Variants in CTSS observed in about 807,000 individuals in gnomAD.
The protein encoded by CTSS is cathepsin S.
In CTSS, 15 loss-of-function variants were observed where a neutral mutation model predicts 39.9. That is an observed-to-expected ratio of 0.38 (90% CI 0.25 to 0.58). CTSS has a LOEUF of 0.58. Among genes scored for constraint, CTSS ranks in the 20% least tolerant of loss-of-function variants. CTSS has a pLI of 0.70. For missense variants in CTSS, 250 were observed against 398.2 expected (o/e 0.63, Z 3.17); for synonymous variants, 126 against 138.2 (o/e 0.91, Z 0.62).
At chr1:150,748,324 A>T (rs751492039) in intron 6 of CTSS, 1 of 152,698 alleles carries the variant, frequency 6.5e-6, no homozygotes, top group East Asian at 1.9e-4. Context: ...ATATACTGTC[A>T]TGCATAAACT....
chr1:150,749,956 T>C, intron 6 of CTSS, 50 bp downstream of exon 6: 1 of 1,502,356 alleles, frequency 6.7e-7, no homozygotes, highest in South Asian at 1.2e-5. Context: ...TCAGCCAATA[T>C]CCTTTCTTTC....
At chr1:150,755,718 C>T (rs1307196883) in intron 3 of CTSS, among the ~76,000 whole-genome samples, 3 of 149,410 alleles carry the variant, frequency 2.0e-5, no homozygotes, top group Non-Finnish European at 4.4e-5. Context: ...CCAGCCTGGG[C>T]GACAGAGTGA....
intron 2 of CTSS, among the ~76,000 whole-genome samples, chr1:150,759,596 C>T (rs771793727): frequency 5.3e-5 from 8 of 152,176 alleles, no homozygotes; most frequent in East Asian, 1.9e-4. Flanking sequence ...CATTAGTGTG[C>T]ATATTATTCC....
At chr1:150,755,429 G>A (rs1336573519) in intron 3 of CTSS, among the ~76,000 whole-genome samples, 1 of 152,044 alleles carries the variant, frequency 6.6e-6, no homozygotes, top group Non-Finnish European at 1.5e-5. Flanking sequence ...AAGGTAGAGT[G>A]AAAATACAGT....
chr1:150,742,073 A>T (rs1039271940), intron 7 of CTSS, among the ~76,000 whole-genome samples: 1 of 152,038 alleles, frequency 6.6e-6, no homozygotes, highest in African/African-American at 2.4e-5. Context: ...TCCATCCAAC[A>T]TGGTGAAACT....
rs778201480 is a variant in CTSS at position 150,747,729 on chromosome 1, T to G, written c.896+48A>C. The G allele has an allele frequency of 1.1e-5, 14 of 1,241,842 alleles. No homozygotes were observed. In the East Asian group the frequency reaches 2.8e-4, roughly 25 times the overall value. 76.9% of individuals were successfully genotyped at this position (1,241,842 alleles called of 1,614,324 possible). On this transcript the variant is annotated intron_variant, in intron 7 of 7. Coordinates refer to ENST00000368985, the MANE Select transcript of CTSS (RefSeq NM_004079.5). ...AAATCATGAGAGTATTTGCTGAAAC[T>G]CCCTCAAATTCCTGATTCCAATTAA...
chr1:150,759,969 A>G (rs1460733738), intron 2 of CTSS, among the ~76,000 whole-genome samples: 3 of 152,084 alleles, frequency 2.0e-5, no homozygotes, highest in Non-Finnish European at 4.4e-5. Context: ...GCTTACTTCC[A>G]AACCACAAGA....
Position 150,731,544 on chromosome 1 carries a change from A to T in CTSS, c.*1502T>A, listed in dbSNP as rs1652521780. ...ATGTGCTTTATGGAGAAGGAGCCAG[A>T]GTTAGTGAAATACGTTTAGGTTAAT... is the stretch of plus-strand genomic sequence containing the variant. On this transcript the variant is annotated 3_prime_UTR_variant, in exon 8 of 8. Transcript: ENST00000368985. The T allele has an allele frequency of 6.6e-6, 1 of 152,230 alleles. No homozygotes were observed. Among genetic ancestry groups the T allele is most frequent in the African/African-American group, 2.4e-5 (1 of 41,468 alleles). 9.4% of individuals were successfully genotyped at this position (152,230 alleles called of 1,614,324 possible).
At chr1:150,749,974 A>C (rs1185657364) in intron 6 of CTSS, 32 bp downstream of exon 6, 2 of 1,551,176 alleles carry the variant, frequency 1.3e-6, no homozygotes. Flanking sequence ...TTCTTTCTTT[A>C]AATTCTAATT....
intron 7 of CTSS, among the ~76,000 whole-genome samples, chr1:150,742,501 G>A (rs974992268): frequency 6.6e-6 from 1 of 152,108 alleles, no homozygotes; most frequent in Non-Finnish European, 1.5e-5. Flanking sequence ...AATGTCTAAG[G>A]TTATGTTAAA....
intron 4 of CTSS, among the ~76,000 whole-genome samples, chr1:150,754,671 G>A (rs1411700290): frequency 3.3e-5 from 5 of 151,996 alleles, no homozygotes; most frequent in African/African-American, 9.7e-5. Flanking sequence ...CAGGTGATGC[G>A]CCTGCCTCAG....
chr1:150,743,182 G>A (rs1421854314), intron 7 of CTSS, among the ~76,000 whole-genome samples: 1 of 152,090 alleles, frequency 6.6e-6, no homozygotes, highest in African/African-American at 2.4e-5. Flanking sequence ...TAAAGTTGAT[G>A]TAGCAAAATG....
rs1652491542 is a variant in CTSS at position 150,730,294 on chromosome 1, T to C, written c.*2752A>G. On this transcript the variant is annotated 3_prime_UTR_variant, in exon 8 of 8. Transcript: ENST00000368985. ...AACAGTTGAACTTGAATGTTTTTTA[T>C]AGTAGGTTTGATGAAGAGCAGCCAG... is the stretch of plus-strand genomic sequence containing the variant. 1 of 152,164 alleles carries C rather than the reference T, an allele frequency of 6.6e-6. No homozygotes were observed. The highest frequency in any genetic ancestry group is 2.4e-5 in the African/African-American group (1 of 41,420). The allele number at this position is 152,164 out of a possible 1,614,324, so 9.4% of individuals were successfully genotyped here.
chr1:150,744,661 G>A (rs1456986475), intron 7 of CTSS, among the ~76,000 whole-genome samples: 1 of 138,510 alleles, frequency 7.2e-6, no homozygotes, highest in Non-Finnish European at 1.5e-5. Context: ...AATATGTATT[G>A]TATATTATGT....
At chr1:150,739,640 G>C (rs766377514) in intron 7 of CTSS, among the ~76,000 whole-genome samples, 7 of 151,812 alleles carry the variant, frequency 4.6e-5, no homozygotes, top group Non-Finnish European at 8.8e-5. Context: ...ACTCCAGCCT[G>C]GGTGACAAAG....
rs753980796 is a variant in CTSS at position 150,750,007 on chromosome 1, A to G, written c.792T>C (p.Ser264=). The change falls in exon 6 of 8, where the codon AGT becomes AGC. Residue 264 remains serine (S), a splice_region_variant and synonymous_variant. Transcript: ENST00000368985. ...ARHPSFFLYR[S]GVYYEPSCTQ... Reference sequence around the variant, plus strand: ...ATTATTGTTTATTTTATTTTTTACCACTTCTGTAGAGGAAGAAAGAAGGAT... The same window carrying G: ...ATTATTGTTTATTTTATTTTTTACCGCTTCTGTAGAGGAAGAAAGAAGGAT... 4.4e-6 allele frequency: 7 copies of G among 1,579,996 alleles called. No individual in the cohort carries two copies. The African/African-American group carries it at 5.5e-5, about 12-fold the overall frequency.
At chr1:150,761,927 C>T (rs1653275674) in intron 2 of CTSS, among the ~76,000 whole-genome samples, 3 of 152,096 alleles carry the variant, frequency 2.0e-5, no homozygotes, top group Admixed American at 2.0e-4. Flanking sequence ...AAAAACAATC[C>T]TCAAATTCAT....
chr1:150,764,257 A>G (rs1027400926), intron 2 of CTSS, among the ~76,000 whole-genome samples: 10 of 152,018 alleles, frequency 6.6e-5, no homozygotes, highest in Admixed American at 5.2e-4. Context: ...TTTATTTTTG[A>G]GATGGAGTCT....
chr1:150,747,682 G>A (rs1027708064), intron 7 of CTSS, 95 bp downstream of exon 7: 12 of 810,450 alleles, frequency 1.5e-5, no homozygotes, highest in East Asian at 1.3e-4. Flanking sequence ...TGTCAATATC[G>A]TGATCATAAT....
Sources: allele counts gnomAD v4.1 joint callset (sites outside exome capture counted in the v4.1 genomes callset), GRCh38; gene constraint gnomAD v4.1.1; transcripts MANE v1.5; gene names NCBI Gene and HGNC (gene_info 2026-07-23, HGNC 2026-07-21).